Variants in CRTC3 observed in about 807,000 individuals in gnomAD.
CRTC3 encodes the protein CREB regulated transcription coactivator 3, also known as CREB-regulated transcription coactivator 3.
A neutral mutation model predicts 74.5 loss-of-function variants in CRTC3; 26 were observed. That is an observed-to-expected ratio of 0.35 (90% confidence interval 0.26 to 0.48). CRTC3 has a LOEUF of 0.48. CRTC3 is among the 20% of genes least tolerant of loss of function. The pLI is 0.99. For missense variants in CRTC3, 760 were observed against 787.3 expected (o/e 0.97, Z 0.41); for synonymous variants, 377 against 325.8 (o/e 1.16, Z -1.69).
At chr15:90,546,557 A>G (rs574913956) in intron 2 of CRTC3, among the ~76,000 whole-genome samples, 2 of 152,250 alleles carry the variant, frequency 1.3e-5, no homozygotes, top group South Asian at 4.2e-4. Context: ...GCTTATTTTC[A>G]TTCCTTTGCT....
intron 2 of CRTC3, among the ~76,000 whole-genome samples, chr15:90,540,704 C>T (rs765539450): frequency 9.9e-5 from 15 of 152,068 alleles, no homozygotes; most frequent in Non-Finnish European, 1.8e-4. Context: ...ACCCAGGAGG[C>T]GGAGGGTGCA....
chr15:90,596,317 TGTG>T (rs1567177710), intron 3 of CRTC3: 1 of 152,076 alleles, frequency 6.6e-6, no homozygotes, highest in Non-Finnish European at 1.5e-5. Context: ...GGGAAGAGAA[TGTG>T]GTGCAAAGTC....
At chr15:90,613,275 C>T (rs552115404) in intron 6 of CRTC3, among the ~76,000 whole-genome samples, 9 of 151,992 alleles carry the variant, frequency 5.9e-5, no homozygotes, top group Admixed American at 3.3e-4. Context: ...GCCCAAGAAT[C>T]TGCATTTTAG....
In CRTC3 at chr15:90,593,673, G is replaced by A. The variant is rs1426779192; in HGVS notation, c.269G>A (p.Arg90His). The change falls in exon 3 of 15, where the codon CGC becomes CAC. Residue 90 changes from arginine to histidine, a missense_variant. Coordinates refer to ENST00000268184, the MANE Select transcript of CRTC3 (RefSeq NM_022769.5). ...FHQADNVRGTRHHGLVERPSR... is the reference protein window; with the variant it reads ...FHQADNVRGTHHHGLVERPSR... ...CAAGCTGATAATGTTCGGGGAACCC[G>A]CCATCACGGGCTGGTGGAGAGGCCA... 1.2e-6 allele frequency: 2 copies of A among 1,610,472 alleles called. No homozygotes were observed. The highest frequency in any genetic ancestry group is 2.2e-5 in the East Asian group (1 of 44,792).
At chr15:90,579,042 A>G (rs570638477) in intron 2 of CRTC3, among the ~76,000 whole-genome samples, 2 of 152,290 alleles carry the variant, frequency 1.3e-5, no homozygotes, top group African/African-American at 4.8e-5. Flanking sequence ...TGTAGATTCA[A>G]CCAATTACAG....
At chr15:90,543,919 C>T (rs1966839472) in intron 2 of CRTC3, among the ~76,000 whole-genome samples, 2 of 152,094 alleles carry the variant, frequency 1.3e-5, no homozygotes, top group African/African-American at 2.4e-5. Flanking sequence ...TTGACTCTTC[C>T]AGTGTCCTAT....
intron 2 of CRTC3, among the ~76,000 whole-genome samples, chr15:90,586,089 G>A (rs548868955): frequency 3.9e-5 from 6 of 152,132 alleles, no homozygotes; most frequent in African/African-American, 1.4e-4. Flanking sequence ...CAGTGTTGAC[G>A]ATGGTATTCC....
chr15:90,568,891 T>A (rs1462512267), intron 2 of CRTC3, among the ~76,000 whole-genome samples: 1 of 152,204 alleles, frequency 6.6e-6, no homozygotes, highest in Non-Finnish European at 1.5e-5. Flanking sequence ...TAGCATTTTT[T>A]AGCAATAAAG....
At chr15:90,582,052 A>G (rs925647132) in intron 2 of CRTC3, among the ~76,000 whole-genome samples, 4 of 152,184 alleles carry the variant, frequency 2.6e-5, no homozygotes, top group Non-Finnish European at 5.9e-5. Flanking sequence ...GACTCCTGCC[A>G]CTGCTCAAGT....
chr15:90,635,720 A>G (rs1289390726), intron 11 of CRTC3, among the ~76,000 whole-genome samples: 1 of 152,074 alleles, frequency 6.6e-6, no homozygotes, highest in Non-Finnish European at 1.5e-5. Context: ...ACACTCTTCC[A>G]ATGTCGCACC....
chr15:90,601,854 G>T (rs6496704), intron 3 of CRTC3, among the ~76,000 whole-genome samples: 2 of 152,112 alleles, frequency 1.3e-5, no homozygotes, highest in African/African-American at 4.8e-5. Flanking sequence ...AGGTTCAGAC[G>T]GCCCTTGGGC....
chr15:90,552,479 C>G (rs572053911), intron 2 of CRTC3, among the ~76,000 whole-genome samples: 10 of 152,202 alleles, frequency 6.6e-5, no homozygotes, highest in Admixed American at 2.6e-4. Context: ...TATTCCTGAT[C>G]ACCCCTCATC....
At chr15:90,639,302 C>T (rs1388147182) in intron 13 of CRTC3, among the ~76,000 whole-genome samples, 1 of 152,050 alleles carries the variant, frequency 6.6e-6, no homozygotes, top group African/African-American at 2.4e-5. Context: ...TTCAACTCGG[C>T]CACTTTCTTT....
chr15:90,602,444 C>T, intron 4 of CRTC3, 59 bp downstream of exon 4: 2 of 908,072 alleles, frequency 2.2e-6, no homozygotes, highest in Admixed American at 2.0e-5. Context: ...GATAATTTCA[C>T]TTTATCCACT....
At chr15:90,639,885 A>T (rs538338639) in intron 13 of CRTC3, among the ~76,000 whole-genome samples, 1 of 151,796 alleles carries the variant, frequency 6.6e-6, no homozygotes, top group Non-Finnish European at 1.5e-5. Context: ...GTCTCTACTA[A>T]AAAATACAAA....
At chr15:90,633,446 C>T (rs1969116343) in intron 11 of CRTC3, among the ~76,000 whole-genome samples, 1 of 152,162 alleles carries the variant, frequency 6.6e-6, no homozygotes, top group Admixed American at 6.5e-5. Flanking sequence ...TTTCCCTTGG[C>T]ATCTATTGCC....
In CRTC3 at chr15:90,578,064, C is replaced by T. The variant is rs565233278; in HGVS notation, c.232-15572C>T. On this transcript the variant is annotated intron_variant, in intron 2 of 14. Coordinates refer to ENST00000268184, the MANE Select transcript of CRTC3 (RefSeq NM_022769.5). Reference sequence around the variant, plus strand: ...GCTAGTAGCTTGGATTACAGGCGTGCGCCACCAGGTCCAGCTAATTTTTTG... The same window carrying T: ...GCTAGTAGCTTGGATTACAGGCGTGTGCCACCAGGTCCAGCTAATTTTTTG... 9.9e-5 allele frequency among the ~76,000 whole-genome samples: 15 copies of T among 152,110 alleles called. No homozygotes were observed. In the South Asian group the frequency reaches 2.5e-3, roughly 25 times the overall value.
intron 2 of CRTC3, among the ~76,000 whole-genome samples, chr15:90,550,375 A>T (rs1966852731): frequency 1.3e-5 from 2 of 150,194 alleles, no homozygotes; most frequent in Non-Finnish European, 3.0e-5. Context: ...GCACCATTGC[A>T]CTCCAGCCTG....
intron 13 of CRTC3, among the ~76,000 whole-genome samples, chr15:90,639,419 T>A (rs1969358917): frequency 6.7e-6 from 1 of 150,228 alleles, no homozygotes; most frequent in Non-Finnish European, 1.5e-5. Context: ...GATTAAGGAG[T>A]GGAAGAAGGG....
Sources: allele counts gnomAD v4.1 joint callset (sites outside exome capture counted in the v4.1 genomes callset), GRCh38; gene constraint gnomAD v4.1.1; transcripts MANE v1.5; gene names NCBI Gene and HGNC (gene_info 2026-07-23, HGNC 2026-07-21).